The following MAPKAP1 variants were observed in gnomAD, a reference collection of about 807,000 sequenced individuals.
The protein encoded by MAPKAP1 is target of rapamycin complex 2 subunit MAPKAP1.
In MAPKAP1, 20 loss-of-function variants were observed where a neutral mutation model predicts 65.7. The observed-to-expected ratio is 0.30, with a 90% confidence interval of 0.21 to 0.44. The LOEUF (loss-of-function observed/expected upper bound fraction) is 0.44, where lower values mean the gene tolerates loss of function less well. MAPKAP1 is among the 20% of genes least tolerant of loss of function. The pLI is 1.00. For synonymous variants in MAPKAP1, 222 were observed against 244.3 expected (o/e 0.91, Z 0.85); for missense variants, 423 against 648.0 (o/e 0.65, Z 3.77).
At chr9:125,665,703 A>G (rs986771443) in intron 3 of MAPKAP1, among the ~76,000 whole-genome samples, 1 of 152,166 alleles carries the variant, frequency 6.6e-6, no homozygotes, top group Non-Finnish European at 1.5e-5. Context: ...CAAGAATTCC[A>G]CAGGTGAGGC....
chr9:125,661,540 T>TAAATAAAAAAAGTATTGTACA (rs1481266705), intron 3 of MAPKAP1, among the ~76,000 whole-genome samples: 1 of 152,130 alleles, frequency 6.6e-6, no homozygotes, highest in Non-Finnish European at 1.5e-5. Flanking sequence ...AATATATTAC[T>TAAATAAAAAAAGTATTGTACA]AAATAAAAAA....
intron 7 of MAPKAP1, among the ~76,000 whole-genome samples, chr9:125,541,065 T>C (rs1830232076): frequency 6.6e-6 from 1 of 152,148 alleles, no homozygotes; most frequent in African/African-American, 2.4e-5. Context: ...GTAATTTATG[T>C]AAATGTATCA....
intron 9 of MAPKAP1, among the ~76,000 whole-genome samples, chr9:125,473,332 C>T (rs1056468259): frequency 6.6e-6 from 1 of 152,144 alleles, no homozygotes; most frequent in East Asian, 1.9e-4. Context: ...GTCTCCCTTA[C>T]CAGCTCCCTC....
At chr9:125,621,277 A>C (rs542776592) in intron 4 of MAPKAP1, among the ~76,000 whole-genome samples, 1 of 152,162 alleles carries the variant, frequency 6.6e-6, no homozygotes, top group South Asian at 2.1e-4. Context: ...TTCTCAAAAA[A>C]AAAACAAAAA....
intron 1 of MAPKAP1, among the ~76,000 whole-genome samples, chr9:125,693,822 C>A (rs1346973251): frequency 7.7e-6 from 1 of 129,198 alleles, no homozygotes; most frequent in African/African-American, 3.1e-5. Flanking sequence ...CACATATACA[C>A]ACACACACAT....
chr9:125,506,220 G>T (rs1367485029), intron 8 of MAPKAP1, 90 bp downstream of exon 8: 1 of 1,122,872 alleles, frequency 8.9e-7, no homozygotes, highest in Non-Finnish European at 1.4e-6. Flanking sequence ...TCTGCCTAGG[G>T]AAACCAGACC....
At chr9:125,466,250 C>A (rs1282997753) in intron 10 of MAPKAP1, among the ~76,000 whole-genome samples, 2 of 152,072 alleles carry the variant, frequency 1.3e-5, no homozygotes, top group African/African-American at 2.4e-5. Context: ...CAAGGGGAGG[C>A]CTTATGCCCA....
chr9:125,444,682 A>G, intron 10 of MAPKAP1, 84 bp from the exon 11 acceptor site: 1 of 927,878 alleles, frequency 1.1e-6, no homozygotes, highest in Non-Finnish European at 1.7e-6. Flanking sequence ...TATCATTCCA[A>G]TTCGAGCGAG....
chr9:125,443,707 C>T (rs10986760), intron 11 of MAPKAP1, among the ~76,000 whole-genome samples: 4 of 145,864 alleles, frequency 2.7e-5, no homozygotes, highest in Non-Finnish European at 6.0e-5. Flanking sequence ...CTCCCCCAGC[C>T]CCCCCAGCCC....
intron 7 of MAPKAP1, among the ~76,000 whole-genome samples, chr9:125,514,154 C>T (rs1443537896): frequency 6.6e-6 from 1 of 152,146 alleles, no homozygotes; most frequent in African/African-American, 2.4e-5. Context: ...ACGTGCCATT[C>T]CCTCTTCCCT....
chr9:125,524,909 G>A (rs1352519357), intron 7 of MAPKAP1, among the ~76,000 whole-genome samples: 2 of 152,208 alleles, frequency 1.3e-5, no homozygotes, highest in African/African-American at 2.4e-5. Context: ...GTGCTCCAGA[G>A]GAAGGCTAGG....
chr9:125,587,134 A>T (rs910464421), intron 4 of MAPKAP1, among the ~76,000 whole-genome samples: 4 of 152,244 alleles, frequency 2.6e-5, no homozygotes, highest in Non-Finnish European at 5.9e-5. Context: ...ATCTAGATGT[A>T]AGAGGCAAAA....
intron 1 of MAPKAP1, among the ~76,000 whole-genome samples, chr9:125,690,780 G>C (rs1483830303): frequency 1.3e-5 from 2 of 152,156 alleles, no homozygotes; most frequent in Admixed American, 6.5e-5. Flanking sequence ...AGAAACAGCA[G>C]AACAACATGT....
chr9:125,570,761 G>A (rs1340769512), intron 5 of MAPKAP1, among the ~76,000 whole-genome samples: 1 of 152,106 alleles, frequency 6.6e-6, no homozygotes, highest in Non-Finnish European at 1.5e-5. Context: ...AAATCTAAAG[G>A]TTTAAACAAG....
At chr9:125,622,178 T>C (rs1832923030) in intron 4 of MAPKAP1, among the ~76,000 whole-genome samples, 1 of 152,026 alleles carries the variant, frequency 6.6e-6, no homozygotes, top group Non-Finnish European at 1.5e-5. Flanking sequence ...AGTACAAAAT[T>C]ATAGCTAGAT....
At chr9:125,535,790 G>A (rs751737387) in intron 7 of MAPKAP1, among the ~76,000 whole-genome samples, 9 of 152,098 alleles carry the variant, frequency 5.9e-5, no homozygotes, top group Non-Finnish European at 1.2e-4. Flanking sequence ...TTAAATTGGC[G>A]GTGCTCTAGA....
intron 8 of MAPKAP1, among the ~76,000 whole-genome samples, chr9:125,503,406 T>C (rs902472384): frequency 1.3e-5 from 2 of 152,214 alleles, no homozygotes; most frequent in African/African-American, 4.8e-5. Context: ...CTCGTAGGCG[T>C]TGATCTCTTT....
intron 1 of MAPKAP1, among the ~76,000 whole-genome samples, chr9:125,694,897 A>G (rs766131263): frequency 2.6e-5 from 4 of 152,252 alleles, no homozygotes; most frequent in Non-Finnish European, 5.9e-5. Context: ...GCATATTCTT[A>G]TAAGTCCCAA....
At chr9:125,526,662 A>T (rs986895511) in intron 7 of MAPKAP1, among the ~76,000 whole-genome samples, 1 of 152,256 alleles carries the variant, frequency 6.6e-6, no homozygotes, top group African/African-American at 2.4e-5. Flanking sequence ...CAAAGTCCAC[A>T]TAAGTAAGGA....
Sources: gnomAD v4.1 joint callset for allele counts (sites outside exome capture counted in the v4.1 genomes callset) on GRCh38, gnomAD v4.1.1 for gene constraint, MANE v1.5 for transcripts, NCBI Gene and HGNC (gene_info 2026-07-23, HGNC 2026-07-21) for gene names.